APPBP2: variants seen among roughly 807,000 people sequenced by gnomAD.
APPBP2 encodes amyloid protein-binding protein 2.
In APPBP2, 15 loss-of-function variants were observed where a neutral mutation model predicts 76.0. That is an observed-to-expected ratio of 0.20 (90% CI 0.13 to 0.30). The LOEUF (loss-of-function observed/expected upper bound fraction) is 0.30, where lower values mean the gene tolerates loss of function less well. Ranked by LOEUF, APPBP2 falls within the 10% of genes least tolerant of loss-of-function variation. APPBP2 has a pLI of 1.00. For missense variants in APPBP2, 401 were observed against 687.2 expected, an observed-to-expected ratio of 0.58 and a Z score of 4.66; for synonymous variants, 222 against 242.2, an observed-to-expected ratio of 0.92 and a Z score of 0.77.
intron 1 of APPBP2, among the ~76,000 whole-genome samples, chr17:60,509,295 C>T (rs929724149): frequency 2.6e-5 from 4 of 151,882 alleles, no homozygotes; most frequent in African/African-American, 7.3e-5. Flanking sequence ...AGGAGAATTG[C>T]TTGAACCTGG....
At chr17:60,519,016 C>T (rs1397878448) in intron 1 of APPBP2, among the ~76,000 whole-genome samples, 2 of 152,140 alleles carry the variant, frequency 1.3e-5, no homozygotes, top group African/African-American at 2.4e-5. Flanking sequence ...TAGTGTGCAG[C>T]GGCACAATCA....
chr17:60,450,523 C>T (rs996220059), intron 12 of APPBP2, among the ~76,000 whole-genome samples: 4 of 151,114 alleles, frequency 2.6e-5, no homozygotes, highest in Non-Finnish European at 4.4e-5. Context: ...AATCCCAGCA[C>T]TTTGGGAGGC....
At chr17:60,464,146 G>A in intron 5 of APPBP2, 36 bp from the exon 6 acceptor site, 1 of 1,508,352 alleles carries the variant, frequency 6.6e-7, no homozygotes, top group Non-Finnish European at 9.1e-7. Flanking sequence ...CAGAACTGTG[G>A]TTAAATCAAG....
At chr17:60,491,744 T>G (rs777143314) in intron 3 of APPBP2, among the ~76,000 whole-genome samples, 8 of 152,014 alleles carry the variant, frequency 5.3e-5, no homozygotes, top group Non-Finnish European at 1.2e-4. Flanking sequence ...CTGCACCCAG[T>G]CAGCATTCAG....
chr17:60,462,561 G>C (rs1411121655), intron 6 of APPBP2: 1 of 155,098 alleles, frequency 6.4e-6, no homozygotes, highest in Non-Finnish European at 1.4e-5. Context: ...CTGGCTACAG[G>C]GATGTGCCAC....
rs2090351690 is a variant in APPBP2, at chr17:60,446,904, T to C, written c.*677A>G. 6.6e-6 allele frequency: 1 copy of C among 152,284 alleles called. No homozygotes were observed. The allele number at this position is 152,284 out of a possible 1,614,324, so 9.4% of individuals were successfully genotyped here. Reference sequence around the variant, plus strand: ...CCTGTTAGCAAATGCTATCAGAGCATCTTGCATTGTTGTACCAAAAAAAAA... The same window carrying C: ...CCTGTTAGCAAATGCTATCAGAGCACCTTGCATTGTTGTACCAAAAAAAAA... On this transcript the variant is annotated 3_prime_UTR_variant, in exon 13 of 13. Transcript: ENST00000083182.
intron 1 of APPBP2, among the ~76,000 whole-genome samples, chr17:60,518,713 A>G (rs769573874): frequency 6.6e-6 from 1 of 152,124 alleles, no homozygotes; most frequent in Non-Finnish European, 1.5e-5. Flanking sequence ...TATGTTGCCC[A>G]GGCAGGTCTA....
chr17:60,467,905 T>C (rs1163666724), intron 4 of APPBP2, among the ~76,000 whole-genome samples: 1 of 152,088 alleles, frequency 6.6e-6, no homozygotes, highest in Non-Finnish European at 1.5e-5. Flanking sequence ...TCATCTAGAC[T>C]ACAGTGAATA....
At chr17:60,460,147 A>G (rs1415404393) in intron 9 of APPBP2, 1 of 152,356 alleles carries the variant, frequency 6.6e-6, no homozygotes, top group Non-Finnish European at 1.5e-5. Context: ...AAAATATACA[A>G]GTCTCAATAG....
chr17:60,454,565 C>A, intron 10 of APPBP2, 73 bp from the exon 11 acceptor site: 2 of 958,110 alleles, frequency 2.1e-6, no homozygotes, highest in South Asian at 2.0e-5. Flanking sequence ...CTAATTTAAA[C>A]TTAAATAATA....
At chr17:60,469,733 G>A (rs1318902195) in intron 4 of APPBP2, among the ~76,000 whole-genome samples, 1 of 152,158 alleles carries the variant, frequency 6.6e-6, no homozygotes, top group Admixed American at 6.5e-5. Flanking sequence ...CTGAATCATT[G>A]TATGTGTATA....
At chr17:60,515,625 A>G (rs1274544138) in intron 1 of APPBP2, among the ~76,000 whole-genome samples, 2 of 152,106 alleles carry the variant, frequency 1.3e-5, no homozygotes, top group Non-Finnish European at 2.9e-5. Flanking sequence ...CAACAACTAA[A>G]TTTTGCCTGT....
chr17:60,511,133 C>G (rs545301745), intron 1 of APPBP2, among the ~76,000 whole-genome samples: 2 of 152,244 alleles, frequency 1.3e-5, no homozygotes, highest in Non-Finnish European at 1.5e-5. Context: ...GATGTAAGGC[C>G]TAGTCAGTGA....
chr17:60,454,155 GC>G, intron 11 of APPBP2, 146 bp downstream of exon 11: 1 of 530,558 alleles, frequency 1.9e-6, no homozygotes, highest in Non-Finnish European at 3.0e-6. Flanking sequence ...GAGCCACTGT[GC>G]TTGGCCTATG....
chr17:60,450,983 A>C (rs1006508399), intron 12 of APPBP2, among the ~76,000 whole-genome samples: 1 of 152,234 alleles, frequency 6.6e-6, no homozygotes, highest in African/African-American at 2.4e-5. Flanking sequence ...GAGTTTTAAC[A>C]GGCACTTCAT....
intron 1 of APPBP2, among the ~76,000 whole-genome samples, chr17:60,502,351 A>G (rs372405691): frequency 2.0e-5 from 3 of 152,236 alleles, no homozygotes; most frequent in Non-Finnish European, 4.4e-5. Context: ...CCAAAACAGA[A>G]TAACTCAGGG....
rs181009695 is a variant in APPBP2 at position 60,482,255 on chromosome 17, T to C, written c.380-2984A>G. Among the ~76,000 whole-genome samples the C allele has an allele frequency of 3.0e-3, 459 of 152,302 alleles. 6 individuals are homozygous for C. Among genetic ancestry groups the C allele is most frequent in the Non-Finnish European group, 2.5e-3 (168 of 68,040 alleles). On this transcript the variant is annotated intron_variant, in intron 3 of 12. Transcript: ENST00000083182. Reference sequence around the variant, plus strand: ...CTATAAGCATCAAATTAAATACTTATAAACAAGAAATAAATGAATCCAAAC... The same window carrying C: ...CTATAAGCATCAAATTAAATACTTACAAACAAGAAATAAATGAATCCAAAC...
chr17:60,522,596 T>C (rs1020359809), intron 1 of APPBP2, among the ~76,000 whole-genome samples: 5 of 152,336 alleles, frequency 3.3e-5, no homozygotes, highest in Admixed American at 1.3e-4. Context: ...GTTGGAATTA[T>C]GAGTGTGAGC....
chr17:60,525,956 C>T lies in APPBP2; in HGVS notation c.-25G>A. 4 of 1,563,364 alleles carry T rather than the reference C, an allele frequency of 2.6e-6. No homozygotes were observed. The highest frequency in any genetic ancestry group is 3.5e-6 in the Non-Finnish European group (4 of 1,152,880). On this transcript the variant is annotated 5_prime_UTR_variant, in exon 1 of 13. Transcript: ENST00000083182. ...TCTTCCTTCCCTCCTCCTCCGCCTC[C>T]TCCGCCTCCTCCTCCCGAAGGCCCC...
Sources: allele counts gnomAD v4.1 joint callset (sites outside exome capture counted in the v4.1 genomes callset), GRCh38; gene constraint gnomAD v4.1.1; transcripts MANE v1.5; gene names NCBI Gene and HGNC (gene_info 2026-07-23, HGNC 2026-07-21).